NTNG1: variants seen among roughly 807,000 people sequenced by gnomAD.
NTNG1 encodes the protein netrin G1.
Under a neutral mutation model 54.0 loss-of-function variants are expected in NTNG1, and 16 were observed. The observed-to-expected ratio is 0.30, with a 90% CI of 0.20 to 0.45. The LOEUF is 0.45. Ranked by LOEUF, NTNG1 falls within the 20% of genes least tolerant of loss-of-function variation. The pLI, the probability that NTNG1 is intolerant of heterozygous loss-of-function variation, is 1.00. For missense variants in NTNG1, 530 were observed against 678.7 expected (o/e 0.78, Z 2.43); for synonymous variants, 255 against 263.1 (o/e 0.97, Z 0.30).
chr1:107,205,430 C>A (rs1659099855), intron 2 of NTNG1, among the ~76,000 whole-genome samples: 1 of 152,096 alleles, frequency 6.6e-6, no homozygotes, highest in South Asian at 2.1e-4. Context: ...AGTACCTTGC[C>A]TGTCCGAGCT....
chr1:107,238,977 T>A (rs752029262), intron 2 of NTNG1, among the ~76,000 whole-genome samples: 6 of 152,158 alleles, frequency 3.9e-5, no homozygotes, highest in Non-Finnish European at 7.3e-5. Context: ...AGACAAACTG[T>A]TATCACCCAG....
rs1205148565 is a variant in NTNG1, at chr1:107,483,725, T to C, written c.*2885T>C. On this transcript the variant is annotated 3_prime_UTR_variant, in exon 8 of 8. Transcript: ENST00000370068. ...AATCCCTTAAAGTGGCTTAATGTAG[T>C]CTTGCATATGAGTTAATCTATCAAC... 6.6e-6 allele frequency among the ~76,000 whole-genome samples: 1 copy of C among 152,204 alleles called. No homozygotes were observed.
Position 107,359,004 on chromosome 1 carries a change from C to T in NTNG1, c.887+34082C>T, listed in dbSNP as rs182235791. Among the ~76,000 whole-genome samples, 92 of 152,254 alleles carry T rather than the reference C, an allele frequency of 6.0e-4. 1 individual carries two copies. The highest frequency in any genetic ancestry group is 3.4e-3 in the Middle Eastern group (1 of 294). On this transcript the variant is annotated intron_variant, in intron 3 of 7. Transcript: ENST00000370068. Reference sequence around the variant, plus strand: ...AAAATATAAAGTTCTATTGAAAATGCGGACGTCTCTATCACCAAATGTTAC... The same window carrying T: ...AAAATATAAAGTTCTATTGAAAATGTGGACGTCTCTATCACCAAATGTTAC...
intron 2 of NTNG1, among the ~76,000 whole-genome samples, chr1:107,238,147 C>T (rs1661544690): frequency 6.6e-6 from 1 of 152,184 alleles, no homozygotes; most frequent in Non-Finnish European, 1.5e-5. Context: ...GAACCCACCT[C>T]TTTCATCATC....
intron 3 of NTNG1, among the ~76,000 whole-genome samples, chr1:107,390,184 C>T (rs1672279115): frequency 6.6e-6 from 1 of 152,124 alleles, no homozygotes. Context: ...TTGCAGTGTT[C>T]AGCCCCAGCA....
At chr1:107,412,909 T>G (rs1038086088) in intron 5 of NTNG1, among the ~76,000 whole-genome samples, 2 of 152,176 alleles carry the variant, frequency 1.3e-5, no homozygotes, top group Non-Finnish European at 2.9e-5. Context: ...AAATTTTTCT[T>G]CATCAGGATA....
intron 3 of NTNG1, among the ~76,000 whole-genome samples, chr1:107,342,069 T>C (rs1668930159): frequency 6.6e-6 from 1 of 152,128 alleles, no homozygotes; most frequent in Admixed American, 6.6e-5. Context: ...TTAAAATTAG[T>C]CACTATAAGT....
intron 2 of NTNG1, among the ~76,000 whole-genome samples, chr1:107,198,620 G>C (rs1227970501): frequency 6.6e-6 from 1 of 151,824 alleles, no homozygotes; most frequent in Non-Finnish European, 1.5e-5. Context: ...AAACATGTAA[G>C]AGAAAGAACT....
intron 3 of NTNG1, among the ~76,000 whole-genome samples, chr1:107,359,329 GAAATAT>G (rs1180595526): frequency 2.0e-5 from 3 of 152,166 alleles, no homozygotes; most frequent in African/African-American, 4.8e-5. Flanking sequence ...TGATTGCAGA[GAAATAT>G]AAATAGGAGA....
At chr1:107,281,234 AC>A (rs1361176552) in intron 2 of NTNG1, among the ~76,000 whole-genome samples, 2 of 152,136 alleles carry the variant, frequency 1.3e-5, no homozygotes, top group Non-Finnish European at 2.9e-5. Context: ...ACAATTATGT[AC>A]ATATAAAACA....
At chr1:107,361,162 A>G (rs918083098) in intron 3 of NTNG1, among the ~76,000 whole-genome samples, 27 of 144,824 alleles carry the variant, frequency 1.9e-4, no homozygotes, top group Admixed American at 9.1e-4. Context: ...TTTCTTATAT[A>G]AAATATAATA....
At chr1:107,156,011 G>A (rs1236428981) in intron 2 of NTNG1, among the ~76,000 whole-genome samples, 4 of 152,178 alleles carry the variant, frequency 2.6e-5, no homozygotes, top group Admixed American at 6.6e-5. Flanking sequence ...GCCTAGGTAT[G>A]TGTAGCAGGG....
intron 2 of NTNG1, among the ~76,000 whole-genome samples, chr1:107,270,980 T>C (rs891166949): frequency 6.6e-6 from 1 of 151,958 alleles, no homozygotes; most frequent in Admixed American, 6.6e-5. Context: ...TTTAAAATAA[T>C]GAAGAAATTA....
intron 6 of NTNG1, among the ~76,000 whole-genome samples, chr1:107,432,331 TG>T (rs1461056369): frequency 6.6e-6 from 1 of 152,194 alleles, no homozygotes; most frequent in Non-Finnish European, 1.5e-5. Flanking sequence ...TCCCCTGTCT[TG>T]TCATTGAGAA....
At chr1:107,219,102 C>A (rs960983473) in intron 2 of NTNG1, among the ~76,000 whole-genome samples, 5 of 146,468 alleles carry the variant, frequency 3.4e-5, no homozygotes, top group Non-Finnish European at 7.5e-5. Context: ...AGTTTTTGTT[C>A]ATTGTTTTTA....
intron 2 of NTNG1, among the ~76,000 whole-genome samples, chr1:107,316,653 A>G (rs1275842751): frequency 6.6e-6 from 1 of 152,172 alleles, no homozygotes; most frequent in African/African-American, 2.4e-5. Flanking sequence ...CAAGAGATGA[A>G]ACTGATGCTC....
intron 7 of NTNG1, among the ~76,000 whole-genome samples, chr1:107,451,585 A>G (rs1676631457): frequency 6.6e-6 from 1 of 152,134 alleles, no homozygotes; most frequent in African/African-American, 2.4e-5. Flanking sequence ...TACACACTAT[A>G]TCAGTGTATT....
intron 2 of NTNG1, among the ~76,000 whole-genome samples, chr1:107,208,301 A>G (rs985928580): frequency 2.6e-5 from 4 of 151,942 alleles, no homozygotes; most frequent in Non-Finnish European, 4.4e-5. Flanking sequence ...GTGGTGGCGC[A>G]GGCCTGTAAT....
chr1:107,426,255 T>G (rs530930238), intron 5 of NTNG1, among the ~76,000 whole-genome samples: 32 of 152,206 alleles, frequency 2.1e-4, no homozygotes, highest in African/African-American at 6.5e-4. Context: ...TAGGCTGATG[T>G]GCAAAAGAGT....
Sources: allele counts gnomAD v4.1 joint callset (sites outside exome capture counted in the v4.1 genomes callset), GRCh38; gene constraint gnomAD v4.1.1; transcripts MANE v1.5; gene names NCBI Gene and HGNC (gene_info 2026-07-23, HGNC 2026-07-21).